The following XPO6 variants were observed in gnomAD, a reference collection of about 807,000 sequenced individuals.
XPO6 encodes exportin-6.
Under a neutral mutation model 130.0 loss-of-function variants are expected in XPO6, and 3 were observed. The ratio of observed to expected loss-of-function variants is 0.02; its 90% CI spans 0.01 to 0.06. XPO6 has a LOEUF of 0.06. Ranked by LOEUF, XPO6 falls within the 10% of genes least tolerant of loss-of-function variation. XPO6 has a pLI of 1.00. For missense variants in XPO6, 970 were observed against 1,393.0 expected (o/e 0.70, Z 4.83); for synonymous variants, 524 against 548.9 (o/e 0.95, Z 0.63).
Position 28,133,836 on chromosome 16 carries a change from A to G in XPO6, c.1536+5T>C, listed in dbSNP as rs1415017426. 6.2e-7 allele frequency: 1 copy of G among 1,613,896 alleles called. No individual in the cohort carries two copies. The highest frequency in any genetic ancestry group is 2.2e-5 in the East Asian group (1 of 44,888). On this transcript the variant is annotated splice_donor_5th_base_variant and intron_variant, in intron 11 of 23. Coordinates refer to ENST00000304658, the MANE Select transcript of XPO6 (RefSeq NM_015171.4). ...CACTCTCCACTCCCCCGGACAGCACATTACCAGTGTGGAGAAGGCGTGCGT... is the reference window on the plus strand; with the variant it reads ...CACTCTCCACTCCCCCGGACAGCACGTTACCAGTGTGGAGAAGGCGTGCGT...
rs181179266 is a variant in XPO6, at chr16:28,134,149, T to C, written c.1444-216A>G. Among the ~76,000 whole-genome samples, 481 of 152,322 alleles carry C rather than the reference T, an allele frequency of 3.2e-3. 5 individuals are homozygous for C. The highest frequency in any genetic ancestry group is 0.011 in the African/African-American group (467 of 41,574). ...CAGAAAGTAAATGATCCACATAGAA[T>C]AAGCTATTTTCCCCCCTTTGGGTTA... On this transcript the variant is annotated intron_variant, in intron 10 of 23. Coordinates refer to ENST00000304658, the MANE Select transcript of XPO6 (RefSeq NM_015171.4).
chr16:28,178,452 CT>C (rs774814981), intron 2 of XPO6, among the ~76,000 whole-genome samples: 13 of 151,848 alleles, frequency 8.6e-5, no homozygotes, highest in South Asian at 4.2e-4. Flanking sequence ...GCCTGTAGTC[CT>C]AGTTAATCAA....
In XPO6 at chr16:28,211,471, C is replaced by T; in HGVS notation, c.-103G>A. On this transcript the variant is annotated 5_prime_UTR_variant, in exon 1 of 24. Transcript: ENST00000304658. ...GGTCCCGGCAGACTCGGGAAGTCCC[C>T]CACCCATGCAAAGACAACCCCTTCC... is the stretch of plus-strand genomic sequence containing the variant. The T allele has an allele frequency of 2.4e-6, 3 of 1,256,186 alleles. No individual in the cohort carries two copies. The highest frequency in any genetic ancestry group is 3.1e-6 in the Non-Finnish European group (3 of 981,708). The allele number at this position is 1,256,186 out of a possible 1,614,324, so 77.8% of individuals were successfully genotyped here. A position where few individuals can be genotyped will look rare whatever the true frequency, so the allele number is the denominator to read the frequency against.
At chr16:28,130,815 G>C (rs1021083273) in intron 12 of XPO6, among the ~76,000 whole-genome samples, 1 of 152,188 alleles carries the variant, frequency 6.6e-6, no homozygotes, top group African/African-American at 2.4e-5. Context: ...CCCAGAAATA[G>C]AGTTTCAGAT....
chr16:28,201,690 A>G (rs958548071), intron 1 of XPO6, among the ~76,000 whole-genome samples: 1 of 152,064 alleles, frequency 6.6e-6, no homozygotes, highest in African/African-American at 2.4e-5. Context: ...CCCCATCTCT[A>G]CTAAAAATAC....
chr16:28,116,479 CAA>C (rs771991055), intron 15 of XPO6, among the ~76,000 whole-genome samples: 41 of 94,888 alleles, frequency 4.3e-4, no homozygotes, highest in African/African-American at 6.9e-4. Flanking sequence ...ACAAAAACGA[CAA>C]AAAAAAAAAA....
chr16:28,149,943 A>G (rs762263821), intron 8 of XPO6, among the ~76,000 whole-genome samples: 12 of 152,356 alleles, frequency 7.9e-5, no homozygotes, highest in Middle Eastern at 3.4e-3. Context: ...ACAGATGAGA[A>G]CTTAAAGCTG....
At chr16:28,153,934 C>G (rs2043139245) in intron 7 of XPO6, 1 of 985,262 alleles carries the variant, frequency 1.0e-6, no homozygotes, top group South Asian at 4.7e-5. Context: ...GGCCAGCCTG[C>G]CTGCCTGACC....
chr16:28,153,261 T>C lies in XPO6; in HGVS notation c.1098-476A>G, dbSNP rs573710713. ...AGATGTACTCAGGCTTGCAACTTAATGGCCATTTTTCCCCCTTTGGTTCCT... is the reference window on the plus strand; with the variant it reads ...AGATGTACTCAGGCTTGCAACTTAACGGCCATTTTTCCCCCTTTGGTTCCT... On this transcript the variant is annotated intron_variant, in intron 7 of 23. Transcript: ENST00000304658. The C allele has an allele frequency of 5.1e-6, 5 of 988,354 alleles. No homozygotes were observed. In the African/African-American group the frequency reaches 8.7e-5, roughly 17 times the overall value. 61.2% of individuals were successfully genotyped at this position (988,354 alleles called of 1,614,324 possible). A position where few individuals can be genotyped will look rare whatever the true frequency, so the allele number is the denominator to read the frequency against.
chr16:28,112,197 T>C (rs912636073), intron 16 of XPO6, among the ~76,000 whole-genome samples, 191 bp from the exon 17 acceptor site: 1 of 152,182 alleles, frequency 6.6e-6, no homozygotes, highest in Non-Finnish European at 1.5e-5. Context: ...AATGAAGTAA[T>C]AGCACCATGT....
chr16:28,191,113 G>C (rs1480135950), intron 1 of XPO6, among the ~76,000 whole-genome samples: 2 of 152,154 alleles, frequency 1.3e-5, no homozygotes, highest in East Asian at 3.9e-4. Flanking sequence ...TGGAGAAAAG[G>C]ATACAATAGG....
In XPO6 at chr16:28,156,395, C is replaced by G. The variant is rs1262177789; in HGVS notation, c.776G>C (p.Trp259Ser). 1 of 1,613,944 alleles carries G rather than the reference C, an allele frequency of 6.2e-7. No individual in the cohort carries two copies. The part of the protein sequence containing the change: ...ALECLAHLFS[W>S]IPLSASITPS... ...GGTGATGCTGGCAGACAGAGGAATC[C>G]AACTGAAGAGATGGGCCAGGCACTC... is the stretch of plus-strand genomic sequence containing the variant. The change falls in exon 7 of 24, where the codon TGG (tryptophan) becomes TCG (serine). Residue 259 changes from tryptophan (W) to serine (S), a missense_variant. Physicochemically the swap from Trp to Ser is radical, Grantham distance 177. Around this residue, in one of 4 missense-constraint regions of XPO6, gnomAD observed 936 missense variants for 1,306.8 expected, o/e 0.72. Transcript: ENST00000304658.
At position 28,171,469 on chromosome 16, in the gene XPO6, A is replaced by AG. The variant is rs1168619804; in HGVS notation, c.406-1561_406-1560insC. Among the ~76,000 whole-genome samples, 374 of 145,722 alleles carry AG rather than the reference A, an allele frequency of 2.6e-3. 6 individuals carry two copies. Among genetic ancestry groups the AG allele is most frequent in the East Asian group, 0.011 (55 of 5,008 alleles). On this transcript the variant is annotated intron_variant, in intron 4 of 23. Coordinates refer to ENST00000304658, the MANE Select transcript of XPO6 (RefSeq NM_015171.4). Reference sequence around the variant, plus strand: ...CTCTGTCTCAAAAAAAAAAAAAAAAAAAAAGAAAAAGAAAGAAATACAGGG... The same window carrying AG: ...CTCTGTCTCAAAAAAAAAAAAAAAAAGAAAAGAAAAAGAAAGAAATACAGGG...
intron 15 of XPO6, among the ~76,000 whole-genome samples, 199 bp from the exon 16 acceptor site, chr16:28,113,249 G>A (rs1240431140): frequency 6.6e-6 from 1 of 152,126 alleles, no homozygotes; most frequent in Non-Finnish European, 1.5e-5. Flanking sequence ...TCCTGCCGCA[G>A]CCATTATCAC....
chr16:28,202,714 G>A (rs557100176), intron 1 of XPO6, among the ~76,000 whole-genome samples: 1 of 152,284 alleles, frequency 6.6e-6, no homozygotes, highest in South Asian at 2.1e-4. Context: ...TTAATTTGAT[G>A]TTGTCAGAAC....
chr16:28,154,797 G>A (rs1248531098), intron 7 of XPO6, among the ~76,000 whole-genome samples: 1 of 152,000 alleles, frequency 6.6e-6, no homozygotes, highest in Non-Finnish European at 1.5e-5. Context: ...TTTGATAGTT[G>A]ATACAAGCAG....
intron 14 of XPO6, 32 bp downstream of exon 14, chr16:28,121,637 TA>T: frequency 6.6e-7 from 1 of 1,520,262 alleles, no homozygotes; most frequent in Non-Finnish European, 9.1e-7. Flanking sequence ...AGGTCTTTCC[TA>T]AAAATGCACA....
Position 28,166,528 on chromosome 16 carries a change from G to C in XPO6, c.623C>G (p.Ser208Cys), listed in dbSNP as rs1379137492. Residue 208 changes from serine to cysteine, a missense_variant, in exon 6 of 24, where the codon TCC becomes TGC. Physicochemically the swap from Ser to Cys is moderately radical, Grantham distance 112. Transcript: ENST00000304658. ...CATACCACTTTCTCCTGAGGTCGGG[G>C]ATGGTGGTGGAGTGGCAGCAGTAAC... ...HSVTAATPPP[S>C]PTSGESGDLL... The C allele has an allele frequency of 6.3e-7, 1 of 1,592,608 alleles. No individual in the cohort carries two copies. Among genetic ancestry groups the C allele is most frequent in the African/African-American group, 1.3e-5 (1 of 74,642 alleles).
At chr16:28,163,052 C>A (rs1050363593) in intron 6 of XPO6, among the ~76,000 whole-genome samples, 1 of 152,128 alleles carries the variant, frequency 6.6e-6, no homozygotes, top group African/African-American at 2.4e-5. Flanking sequence ...GCCAATAGCA[C>A]TTCTCCAGTC....
Sources: gnomAD v4.1 joint callset for allele counts (sites outside exome capture counted in the v4.1 genomes callset) on GRCh38, gnomAD v4.1.1 for gene constraint, gnomAD v4.1.1 regional missense constraint, MANE v1.5 for transcripts, NCBI Gene and HGNC (gene_info 2026-07-23, HGNC 2026-07-21) for gene names.